The following CYP3A4 variants were observed in gnomAD, a reference collection of about 807,000 sequenced individuals.
The protein encoded by CYP3A4 is cytochrome P450 3A4.
Under a neutral mutation model 54.9 loss-of-function variants are expected in CYP3A4, and 41 were observed. The observed-to-expected ratio is 0.75, with a 90% CI of 0.58 to 0.97. The LOEUF (loss-of-function observed/expected upper bound fraction) is 0.97, where lower values mean the gene tolerates loss of function less well. Ranked by LOEUF, CYP3A4 falls within the 50% of genes least tolerant of loss-of-function variation. The pLI is 0.00. For missense variants in CYP3A4, 510 were observed against 597.3 expected (o/e 0.85, Z 1.52); for synonymous variants, 179 against 205.2 (o/e 0.87, Z 1.09).
At position 99,763,881 on chromosome 7, in the gene CYP3A4, C is replaced by A; in HGVS notation, c.1000G>T (p.Glu334Ter). ...HPDVQQKLQE[E>*]IDAVLPNKAP... ...TTATTGGGTAAAACTGCATCAATTT[C>A]CTCCTGCAGTTTCTGCTGGACATCA... The change falls in exon 10 of 13, where the codon GAA becomes TAA. Residue 334 changes from glutamate to a stop codon, truncating the protein, a stop_gained. Transcript: ENST00000651514. LOFTEE classifies it high-confidence loss of function. 1.2e-6 allele frequency: 2 copies of A among 1,614,010 alleles called. No homozygotes were observed. Among genetic ancestry groups the A allele is most frequent in the Non-Finnish European group, 1.7e-6 (2 of 1,179,970 alleles).
chr7:99,767,046 A>T, intron 8 of CYP3A4, 85 bp downstream of exon 8: 1 of 1,256,618 alleles, frequency 8.0e-7, no homozygotes, highest in East Asian at 2.4e-5. Flanking sequence ...TTAAAAACAT[A>T]CAGGTAACTG....
intron 1 of CYP3A4, among the ~76,000 whole-genome samples, chr7:99,782,894 C>T (rs1815962219): frequency 6.6e-6 from 1 of 152,070 alleles, no homozygotes; most frequent in Non-Finnish European, 1.5e-5. Context: ...GATTCATATT[C>T]CTGACATGAT....
In CYP3A4 at chr7:99,758,035, A is replaced by G; in HGVS notation, c.*98T>C. On this transcript the variant is annotated 3_prime_UTR_variant, in exon 13 of 13. Transcript: ENST00000651514. ...TTATGCAGTCCATTGGATGAAGCCC[A>G]TCTTCATTTCAGAGTTCTATTCACA... 1.0e-6 allele frequency: 1 copy of G among 971,498 alleles called. No individual in the cohort carries two copies. Among genetic ancestry groups the G allele is most frequent in the Non-Finnish European group, 1.6e-6 (1 of 606,440 alleles). 60.2% of individuals were successfully genotyped at this position (971,498 alleles called of 1,614,324 possible). A position where few individuals can be genotyped will look rare whatever the true frequency, so the allele number is the denominator to read the frequency against.
chr7:99,770,139 T>C lies in CYP3A4; in HGVS notation c.415A>G (p.Ser139Gly), dbSNP rs761096029. 8 of 1,612,984 alleles carry C rather than the reference T, an allele frequency of 5.0e-6. No individual in the cohort carries two copies. The highest frequency in any genetic ancestry group is 6.8e-6 in the Non-Finnish European group (8 of 1,179,038). Reference sequence around the variant, plus strand: ...TTTCATACCTCCTTGAGTTTTCCACTGGTGAAGGTTGGAGACAGCAATGAT... The same window carrying C: ...TTTCATACCTCCTTGAGTTTTCCACCGGTGAAGGTTGGAGACAGCAATGAT... ...LRSLLSPTFT[S>G]GKLKEMVPII... The change falls in exon 5 of 13, where the codon AGT becomes GGT. Residue 139 changes from serine (S) to glycine (G), a missense_variant. Transcript: ENST00000651514.
chr7:99,779,498 A>G (rs541742894), intron 2 of CYP3A4, among the ~76,000 whole-genome samples: 3 of 152,178 alleles, frequency 2.0e-5, no homozygotes, highest in Non-Finnish European at 2.9e-5. Context: ...AAATGACCCA[A>G]AGGTAAATAC....
intron 6 of CYP3A4, chr7:99,769,491 T>C (rs1384563846): frequency 4.6e-6 from 2 of 432,970 alleles, no homozygotes; most frequent in African/African-American, 2.0e-5. Context: ...TTTTTCCCCC[T>C]AAAGGATATA....
At chr7:99,761,216 G>C (rs1221456529) in intron 11 of CYP3A4, among the ~76,000 whole-genome samples, 1 of 152,168 alleles carries the variant, frequency 6.6e-6, no homozygotes, top group Non-Finnish European at 1.5e-5. Context: ...GAGATAAATA[G>C]TGTTGCAAAG....
intron 1 of CYP3A4, among the ~76,000 whole-genome samples, chr7:99,783,545 A>T (rs1584552458): frequency 6.6e-6 from 1 of 150,958 alleles, no homozygotes. Flanking sequence ...GCTGCATAAG[A>T]TCTACAATAA....
chr7:99,783,753 C>T (rs1815987038), intron 1 of CYP3A4, among the ~76,000 whole-genome samples: 1 of 151,936 alleles, frequency 6.6e-6, no homozygotes, highest in Non-Finnish European at 1.5e-5. Context: ...GGAATACAGG[C>T]GTGCACCACC....
At position 99,769,823 on chromosome 7, in the gene CYP3A4, A is replaced by G. The variant is rs1815581646; in HGVS notation, c.466T>C (p.Leu156=). The G allele has an allele frequency of 1.2e-6, 2 of 1,613,998 alleles. No homozygotes were observed. The highest frequency in any genetic ancestry group is 1.7e-5 in the Admixed American group (1 of 60,016). ...GCTTCCCGCCTCAGATTTCTCACCA[A>G]CACATCTCCATACTGGGCAATGATA... ...VPIIAQYGDV[L]VRNLRREAET... is the part of the protein sequence containing the mutation. Residue 156 remains leucine, a synonymous_variant, in exon 6 of 13, where the codon TTG becomes CTG. Coordinates refer to ENST00000651514, the MANE Select transcript of CYP3A4 (RefSeq NM_017460.6).
At chr7:99,767,103 T>C in intron 8 of CYP3A4, 28 bp downstream of exon 8, 1 of 1,598,702 alleles carries the variant, frequency 6.3e-7, no homozygotes, top group Non-Finnish European at 8.5e-7. Flanking sequence ...AAACTAAACA[T>C]CCTCCTATAA....
intron 12 of CYP3A4, among the ~76,000 whole-genome samples, chr7:99,758,929 A>G (rs1196028853): frequency 1.3e-5 from 2 of 152,012 alleles, no homozygotes; most frequent in Non-Finnish European, 2.9e-5. Context: ...TCTTATTGAG[A>G]CACTCCTTCC....
At chr7:99,760,782 A>G (rs1370597004) in intron 12 of CYP3A4, 37 bp downstream of exon 12, 10 of 1,604,128 alleles carry the variant, frequency 6.2e-6, no homozygotes, top group Non-Finnish European at 7.7e-6. Context: ...TAAAAGAATT[A>G]TTAATACAAC....
At chr7:99,780,492 T>C (rs1215381580) in intron 1 of CYP3A4, among the ~76,000 whole-genome samples, 1 of 152,188 alleles carries the variant, frequency 6.6e-6, no homozygotes. Context: ...CATTTTTTTG[T>C]CTTCCGCAGT....
chr7:99,761,657 G>C (rs1815336982), intron 11 of CYP3A4, among the ~76,000 whole-genome samples: 1 of 152,072 alleles, frequency 6.6e-6, no homozygotes, highest in Admixed American at 6.6e-5. Context: ...TTGAAGATTA[G>C]ATGCATGTTT....
rs369031755 is a variant in CYP3A4 at position 99,780,203 on chromosome 7, AAAT to A, written c.72-121_72-119del. 1.6e-3 allele frequency: 1,556 copies of A among 973,312 alleles called. 21 individuals are homozygous for A. The Admixed American group carries it at 0.02, about 13-fold the overall frequency. 60.3% of individuals were successfully genotyped at this position (973,312 alleles called of 1,614,324 possible). On this transcript the variant is annotated intron_variant, in intron 1 of 12. Coordinates refer to ENST00000651514, the MANE Select transcript of CYP3A4 (RefSeq NM_017460.6). The stretch of plus-strand genomic sequence containing the variant: ...GAGAACGAGGTAACATTAAGGCAAG[AAAT>A]AATAACAGTAACTCTGACGGCAATG...
At chr7:99,776,003 A>G (rs1278592712) in intron 3 of CYP3A4, among the ~76,000 whole-genome samples, 1 of 152,128 alleles carries the variant, frequency 6.6e-6, no homozygotes, top group African/African-American at 2.4e-5. Flanking sequence ...CAAGAAAAAA[A>G]GCAAACAACC....
chr7:99,766,303 C>T (rs1815474870), intron 9 of CYP3A4, 74 bp downstream of exon 9: 3 of 1,539,746 alleles, frequency 1.9e-6, no homozygotes, highest in African/African-American at 1.4e-5. Flanking sequence ...TCCTGGAATA[C>T]TTCCTGCACA....
chr7:99,779,710 A>C (rs529586906), intron 2 of CYP3A4, among the ~76,000 whole-genome samples: 1 of 152,208 alleles, frequency 6.6e-6, no homozygotes, highest in African/African-American at 2.4e-5. Flanking sequence ...CAAAAAGAAA[A>C]CCTTCTTTAT....
Sources: gnomAD v4.1 joint callset for allele counts (sites outside exome capture counted in the v4.1 genomes callset) on GRCh38, gnomAD v4.1.1 for gene constraint, MANE v1.5 for transcripts, NCBI Gene and HGNC (gene_info 2026-07-23, HGNC 2026-07-21) for gene names.